Variants in PCDH15 observed in about 807,000 individuals in gnomAD.
PCDH15 encodes the protein protocadherin related 15, also known as protocadherin-15.
A neutral mutation model predicts 178.5 loss-of-function variants in PCDH15; 129 were observed. That is an observed-to-expected ratio of 0.72 (90% CI 0.63 to 0.84). The LOEUF (loss-of-function observed/expected upper bound fraction) is 0.84. PCDH15 is among the 40% of genes least tolerant of loss of function. The pLI is 0.00. For missense variants in PCDH15, 2,230 were observed against 2,099.9 expected (o/e 1.06, Z -1.21); for synonymous variants, 800 against 732.0 (o/e 1.09, Z -1.50).
chr10:55,600,967 G>C (rs1425554141), intron 2 of PCDH15, among the ~76,000 whole-genome samples: 2 of 152,000 alleles, frequency 1.3e-5, no homozygotes, highest in Non-Finnish European at 2.9e-5. Context: ...ATTTATGGTA[G>C]TTTCCCACCT....
chr10:55,029,748 A>G (rs1411752412), intron 2 of PCDH15, among the ~76,000 whole-genome samples: 2 of 152,128 alleles, frequency 1.3e-5, no homozygotes, highest in Non-Finnish European at 2.9e-5. Flanking sequence ...CTCTCTGTTT[A>G]ATTCTTGACA....
chr10:54,697,548 C>T (rs2095247057), intron 1 of PCDH15, among the ~76,000 whole-genome samples: 1 of 141,130 alleles, frequency 7.1e-6, no homozygotes, highest in Non-Finnish European at 1.5e-5. Flanking sequence ...TCTTTACATG[C>T]TTGCAATAGT....
chr10:54,423,517 T>C (rs1180665878), intron 3 of PCDH15, among the ~76,000 whole-genome samples: 2 of 151,786 alleles, frequency 1.3e-5, no homozygotes, highest in East Asian at 1.9e-4. Flanking sequence ...AGTAAGGAGA[T>C]GGATCATTCA....
chr10:55,557,261 T>G (rs762995752), intron 2 of PCDH15, among the ~76,000 whole-genome samples: 1 of 152,186 alleles, frequency 6.6e-6, no homozygotes, highest in Non-Finnish European at 1.5e-5. Context: ...CAGATTGATC[T>G]GTAAACTTCT....
chr10:55,070,264 C>A (rs1423588446), intron 2 of PCDH15, among the ~76,000 whole-genome samples: 1 of 152,112 alleles, frequency 6.6e-6, no homozygotes, highest in African/African-American at 2.4e-5. Flanking sequence ...TTTTGCTGTG[C>A]AGAAGCTGTT....
At chr10:55,449,465 A>C (rs1409731842) in intron 2 of PCDH15, among the ~76,000 whole-genome samples, 1 of 152,100 alleles carries the variant, frequency 6.6e-6, no homozygotes, top group Non-Finnish European at 1.5e-5. Context: ...TATGTATTGG[A>C]GTTATTAGAA....
At chr10:53,876,618 C>G (rs534860069) in intron 26 of PCDH15, among the ~76,000 whole-genome samples, 1 of 94,230 alleles carries the variant, frequency 1.1e-5, no homozygotes, top group African/African-American at 3.3e-5. Flanking sequence ...CTATTCAAAA[C>G]TTTTGCAAAA....
chr10:54,469,827 G>T (rs2136657405), intron 3 of PCDH15, among the ~76,000 whole-genome samples: 1 of 152,234 alleles, frequency 6.6e-6, no homozygotes, highest in African/African-American at 2.4e-5. Context: ...CATCTGTACT[G>T]GTGTTGGTGG....
At chr10:55,220,050 T>C (rs1165812107) in intron 1 of PCDH15, among the ~76,000 whole-genome samples, 1 of 151,882 alleles carries the variant, frequency 6.6e-6, no homozygotes, top group Non-Finnish European at 1.5e-5. Flanking sequence ...AAGCCACAAG[T>C]TATTATTTTA....
intron 2 of PCDH15, among the ~76,000 whole-genome samples, chr10:54,641,887 A>G (rs1284573725): frequency 6.6e-6 from 1 of 151,294 alleles, no homozygotes; most frequent in Non-Finnish European, 1.5e-5. Context: ...AGCTTTAAAA[A>G]CTTTAATGGT....
intron 2 of PCDH15, among the ~76,000 whole-genome samples, chr10:54,903,311 A>G (rs1390566416): frequency 6.6e-6 from 1 of 152,148 alleles, no homozygotes; most frequent in African/African-American, 2.4e-5. Flanking sequence ...ATGTGTTTAA[A>G]ATAGTCTTAG....
chr10:55,375,514 C>A (rs1837375305), intron 2 of PCDH15, among the ~76,000 whole-genome samples: 1 of 151,962 alleles, frequency 6.6e-6, no homozygotes, highest in African/African-American at 2.4e-5. Context: ...TATTAATTGC[C>A]AAAACTTCTA....
chr10:54,325,722 C>T (rs533519993), intron 7 of PCDH15, among the ~76,000 whole-genome samples: 3 of 152,034 alleles, frequency 2.0e-5, no homozygotes, highest in South Asian at 2.1e-4. Context: ...GCACTCTAGC[C>T]TGGGCAACAT....
chr10:54,053,600 AT>A (rs2093823611), intron 18 of PCDH15, among the ~76,000 whole-genome samples: 1 of 152,190 alleles, frequency 6.6e-6, no homozygotes, highest in Non-Finnish European at 1.5e-5. Context: ...TATCTGAGTT[AT>A]CTTTAAAAAA....
chr10:55,159,077 A>G (rs1328636912), intron 2 of PCDH15, among the ~76,000 whole-genome samples: 2 of 152,006 alleles, frequency 1.3e-5, no homozygotes, highest in Admixed American at 1.3e-4. Flanking sequence ...CTCAGTGGCT[A>G]AATGACTTTA....
At chr10:55,369,378 A>C (rs1845442409) in intron 2 of PCDH15, among the ~76,000 whole-genome samples, 1 of 151,988 alleles carries the variant, frequency 6.6e-6, no homozygotes, top group African/African-American at 2.4e-5. Context: ...GCCAGATAGA[A>C]ATCAACAAAG....
chr10:54,054,040 TG>T (rs1405843669), intron 18 of PCDH15, among the ~76,000 whole-genome samples: 2 of 152,038 alleles, frequency 1.3e-5, no homozygotes, highest in Non-Finnish European at 2.9e-5. Context: ...GCATTTGGCT[TG>T]GGGAATAGTT....
chr10:54,993,312 G>T (rs1293607419), intron 2 of PCDH15, among the ~76,000 whole-genome samples: 2 of 152,194 alleles, frequency 1.3e-5, no homozygotes, highest in East Asian at 3.8e-4. Context: ...AGAACTGAAA[G>T]CTTCTGAGGT....
intron 11 of PCDH15, among the ~76,000 whole-genome samples, chr10:54,195,436 C>A (rs557590170): frequency 4.6e-5 from 7 of 152,256 alleles, no homozygotes; most frequent in Admixed American, 3.9e-4. Context: ...ATTAAATAAA[C>A]ATCAAGTAAA....
Sources: allele counts gnomAD v4.1 joint callset (sites outside exome capture counted in the v4.1 genomes callset), GRCh38; gene constraint gnomAD v4.1.1; transcripts MANE v1.5; gene names NCBI Gene and HGNC (gene_info 2026-07-23, HGNC 2026-07-21).